ZFHX3: variants seen among roughly 807,000 people sequenced by gnomAD.
The protein encoded by ZFHX3 is zinc finger homeobox 3.
ZFHX3 carries 42 observed loss-of-function variants against 279.1 expected under a neutral mutation model. The observed-to-expected ratio is 0.15, with a 90% CI of 0.12 to 0.19. ZFHX3 has a LOEUF of 0.19. Ranked by LOEUF, ZFHX3 falls within the 10% of genes least tolerant of loss-of-function variation. The pLI, the probability that ZFHX3 is intolerant of heterozygous loss-of-function variation, is 1.00. For synonymous variants in ZFHX3, 2,293 were observed against 1,957.8 expected (o/e 1.17, Z -4.52); for missense variants, 4,981 against 4,754.0 (o/e 1.05, Z -1.40).
intron 2 of ZFHX3, among the ~76,000 whole-genome samples, chr16:73,658,939 A>T (rs1008582122): frequency 6.6e-6 from 1 of 152,174 alleles, no homozygotes; most frequent in Non-Finnish European, 1.5e-5. Context: ...TACTATAATC[A>T]GGTGGCACTA....
At chr16:72,908,968 G>A (rs997242862) in intron 3 of ZFHX3, among the ~76,000 whole-genome samples, 2 of 152,198 alleles carry the variant, frequency 1.3e-5, no homozygotes, top group Non-Finnish European at 2.9e-5. Flanking sequence ...TAGAAACGGC[G>A]AAAGCTACTC....
At chr16:72,860,677 G>A (rs569695277) in intron 4 of ZFHX3, among the ~76,000 whole-genome samples, 11 of 152,264 alleles carry the variant, frequency 7.2e-5, no homozygotes, top group Admixed American at 1.3e-4. Flanking sequence ...TGATCCACCC[G>A]TCTCAGCTTC....
At chr16:73,799,322 G>A (rs1313479109) in intron 1 of ZFHX3, among the ~76,000 whole-genome samples, 1 of 152,236 alleles carries the variant, frequency 6.6e-6, no homozygotes, top group Admixed American at 6.5e-5. Flanking sequence ...TGTAAATGAT[G>A]TGTATCTTAT....
At chr16:72,853,412 T>C (rs950126853) in intron 4 of ZFHX3, among the ~76,000 whole-genome samples, 14 of 152,236 alleles carry the variant, frequency 9.2e-5, no homozygotes, top group African/African-American at 3.4e-4. Context: ...GATTCTGAAG[T>C]GCTGCCCTAA....
intron 1 of ZFHX3, among the ~76,000 whole-genome samples, chr16:73,042,136 T>C (rs1200776850): frequency 6.6e-6 from 1 of 152,206 alleles, no homozygotes; most frequent in East Asian, 1.9e-4. Flanking sequence ...AAAAGCGATG[T>C]TTGCATACTG....
chr16:73,348,436 T>C (rs1056280828), intron 3 of ZFHX3, among the ~76,000 whole-genome samples: 4 of 152,174 alleles, frequency 2.6e-5, no homozygotes, highest in African/African-American at 9.7e-5. Flanking sequence ...CTCCATCCTC[T>C]TCAGACCCTG....
chr16:73,511,930 C>T lies in ZFHX3; in HGVS notation c.-1546-55672G>A, dbSNP rs142793798. Among the ~76,000 whole-genome samples the T allele has an allele frequency of 9.2e-5, 14 of 152,258 alleles. No individual in the cohort carries two copies. The East Asian group carries it at 2.7e-3, about 29-fold the overall frequency. On this transcript the variant is annotated intron_variant, in intron 2 of 17. Transcript: ENST00000641206. ...ACCTCCCCTCACCTAGACTCACCTG[C>T]AAATACCCAACATGAGCCAGGTTCC...
At chr16:73,709,240 C>T (rs2053334053) in intron 1 of ZFHX3, among the ~76,000 whole-genome samples, 1 of 151,920 alleles carries the variant, frequency 6.6e-6, no homozygotes, top group South Asian at 2.1e-4. Context: ...TGGGGTGCAC[C>T]TGTAGTCTCA....
At chr16:73,241,893 C>A (rs1346577247) in intron 5 of ZFHX3, among the ~76,000 whole-genome samples, 4 of 151,128 alleles carry the variant, frequency 2.6e-5, no homozygotes, top group African/African-American at 4.9e-5. Context: ...AATCTCTGCT[C>A]TCTTATTAGT....
intron 1 of ZFHX3, among the ~76,000 whole-genome samples, chr16:73,875,443 C>A: frequency 6.6e-6 from 1 of 152,040 alleles, no homozygotes; most frequent in East Asian, 1.9e-4. Context: ...CTGTTTACAC[C>A]GTTCATTCTA....
intron 2 of ZFHX3, among the ~76,000 whole-genome samples, chr16:73,636,297 T>C (rs916266180): frequency 2.0e-5 from 3 of 152,160 alleles, no homozygotes; most frequent in Admixed American, 6.5e-5. Flanking sequence ...TATCAGAAAC[T>C]GACAAATAAT....
intron 2 of ZFHX3, among the ~76,000 whole-genome samples, chr16:73,559,344 C>T (rs1286494567): frequency 1.3e-5 from 2 of 152,176 alleles, no homozygotes; most frequent in Admixed American, 6.6e-5. Flanking sequence ...CACCACACCC[C>T]GTCTCCCAGC....
chr16:73,523,732 CTTTTG>C (rs796850616), intron 2 of ZFHX3, among the ~76,000 whole-genome samples: 43 of 151,846 alleles, frequency 2.8e-4, no homozygotes, highest in African/African-American at 9.9e-4. Flanking sequence ...ATTTCCCCTC[CTTTTG>C]TTTTGTCCTT....
At position 73,682,991 on chromosome 16, in the gene ZFHX3, A is replaced by AAAAGAAAGAAAGAAAGAAAGAAAGAAAG. The variant is rs796634470; in HGVS notation, c.-1607-2752_-1607-2751insCTTTCTTTCTTTCTTTCTTTCTTTCTTT. Reference sequence around the variant, plus strand: ...GAAAGAAAGAAAGAAAGAAAGAAAGAAAAGAAAGAAAGAAAGAAAGAGAAA... The same window carrying AAAAGAAAGAAAGAAAGAAAGAAAGAAAG: ...GAAAGAAAGAAAGAAAGAAAGAAAGAAAAGAAAGAAAGAAAGAAAGAAAGAAAGAAAGAAAGAAAGAAAGAAAGAGAAA... On this transcript the variant is annotated intron_variant, in intron 1 of 17. Coordinates refer to the ZFHX3 transcript ENST00000641206. 5.2e-4 allele frequency among the ~76,000 whole-genome samples: 22 copies of AAAAGAAAGAAAGAAAGAAAGAAAGAAAG among 42,420 alleles called. 3 individuals carry two copies. The highest frequency in any genetic ancestry group is 1.6e-3 in the African/African-American group (21 of 13,242). The allele number at this position is 42,420 out of a possible 152,430, so 27.8% of individuals were successfully genotyped here.
chr16:73,790,209 T>C (rs1030493802), intron 1 of ZFHX3, among the ~76,000 whole-genome samples: 2 of 151,830 alleles, frequency 1.3e-5, no homozygotes, highest in South Asian at 4.2e-4. Flanking sequence ...AAATTCAGAA[T>C]GTATCCTGGA....
At chr16:73,389,783 G>A (rs1013763889) in intron 3 of ZFHX3, among the ~76,000 whole-genome samples, 2 of 152,270 alleles carry the variant, frequency 1.3e-5, no homozygotes, top group Non-Finnish European at 1.5e-5. Context: ...AAATCGGCCA[G>A]GCATGGCAGC....
intron 4 of ZFHX3, among the ~76,000 whole-genome samples, chr16:72,880,196 C>G (rs561157288): frequency 7.2e-5 from 11 of 152,306 alleles, no homozygotes; most frequent in African/African-American, 2.6e-4. Context: ...CACCTTCTGT[C>G]CTACCCTCCT....
intron 3 of ZFHX3, among the ~76,000 whole-genome samples, chr16:73,359,489 C>T (rs564714764): frequency 7.9e-5 from 12 of 152,194 alleles, no homozygotes; most frequent in African/African-American, 2.2e-4. Context: ...TCAGTATTTG[C>T]GAAAAGTGCT....
intron 1 of ZFHX3, among the ~76,000 whole-genome samples, chr16:73,844,901 T>G (rs1195337112): frequency 6.6e-6 from 1 of 151,784 alleles, no homozygotes; most frequent in Non-Finnish European, 1.5e-5. Flanking sequence ...AGATGATGAA[T>G]AGATGATAGA....
Sources: allele counts gnomAD v4.1 joint callset (sites outside exome capture counted in the v4.1 genomes callset), GRCh38; gene constraint gnomAD v4.1.1; transcripts MANE v1.5; gene names NCBI Gene and HGNC (gene_info 2026-07-23, HGNC 2026-07-21).